TSC22D2: variants seen among roughly 807,000 people sequenced by gnomAD.
TSC22D2 encodes the protein TSC22 domain family member 2, also known as TSC22 domain family protein 2.
A neutral mutation model predicts 50.1 loss-of-function variants in TSC22D2; 5 were observed. That is an observed-to-expected ratio of 0.10 (90% confidence interval 0.05 to 0.21). The LOEUF is 0.21. Among genes scored for constraint, TSC22D2 ranks in the 10% least tolerant of loss-of-function variants. The pLI is 1.00. For missense variants in TSC22D2, 1,003 were observed against 1,015.5 expected (o/e 0.99, Z 0.17); for synonymous variants, 501 against 450.1 (o/e 1.11, Z -1.43).
chr3:150,415,097 A>T (rs970655750), intron 1 of TSC22D2, among the ~76,000 whole-genome samples: 1 of 152,116 alleles, frequency 6.6e-6, no homozygotes, highest in Non-Finnish European at 1.5e-5. Context: ...TTACTGATGG[A>T]TACCACATGG....
At chr3:150,424,883 A>G (rs1720128843) in intron 1 of TSC22D2, among the ~76,000 whole-genome samples, 1 of 152,176 alleles carries the variant, frequency 6.6e-6, no homozygotes, top group African/African-American at 2.4e-5. Context: ...GAAACTGACT[A>G]GTGGCTTTCT....
rs1353652253 is a variant in TSC22D2, at chr3:150,463,298, C to CTTTA, written c.*4663_*4666dup. 6.6e-6 allele frequency: 1 copy of CTTTA among 152,216 alleles called. No homozygotes were observed. Among genetic ancestry groups the CTTTA allele is most frequent in the Non-Finnish European group, 1.5e-5 (1 of 68,048 alleles). 9.4% of individuals were successfully genotyped at this position (152,216 alleles called of 1,614,324 possible). ...CCAAGGCAGAATAGGTTTTGCTAGG[C>CTTTA]TTTAGCCTTTTATTCTTTGACATAG... On this transcript the variant is annotated 3_prime_UTR_variant, in exon 3 of 3. Transcript: ENST00000688009.
rs1041930958 is a variant in TSC22D2, at chr3:150,408,636, C to T, written c.-715C>T. 1 of 152,388 alleles carries T rather than the reference C, an allele frequency of 6.6e-6. No individual in the cohort carries two copies. The highest frequency in any genetic ancestry group is 6.5e-5 in the Admixed American group (1 of 15,278). The allele number at this position is 152,388 out of a possible 1,614,324, so 9.4% of individuals were successfully genotyped here. A position where few individuals can be genotyped will look rare whatever the true frequency, so the allele number is the denominator to read the frequency against. On this transcript the variant is annotated 5_prime_UTR_variant, in exon 1 of 3. Coordinates refer to ENST00000688009, the MANE Select transcript of TSC22D2 (RefSeq NM_001303264.2). Reference sequence around the variant, plus strand: ...GGGAGGACCGAGCCGGCTTTCCCCTCCCCCAGAGCGGGTTTCCGCCTGAGG... The same window carrying T: ...GGGAGGACCGAGCCGGCTTTCCCCTTCCCCAGAGCGGGTTTCCGCCTGAGG...
chr3:150,410,197 G>A lies in TSC22D2; in HGVS notation c.847G>A (p.Gly283Arg), dbSNP rs779680716. The A allele has an allele frequency of 6.2e-6, 10 of 1,603,330 alleles. No individual in the cohort carries two copies. The highest frequency in any genetic ancestry group is 6.0e-6 in the Non-Finnish European group (7 of 1,175,436). The change falls in exon 1 of 3, where the codon GGG becomes AGG. Residue 283 changes from glycine (G) to arginine (R), a missense_variant. Gly to Arg is a moderately radical substitution (Grantham distance 125). This residue lies in a region of TSC22D2 where 696 missense variants were observed against 647.8 expected (regional missense o/e 1.07). Coordinates refer to ENST00000688009, the MANE Select transcript of TSC22D2 (RefSeq NM_001303264.2). ...ACAGCCGCCGCCGCCACCCGTAGGT[G>A]GGGCTGTGGCTCAAAGCTCGGCTCC... ...QPQPPPPPVGGAVAQSSAPLP... is the reference protein window; with the variant it reads ...QPQPPPPPVGRAVAQSSAPLP...
rs1223796449 is a variant in TSC22D2, at chr3:150,410,031, A to G, written c.681A>G (p.Val227=). Residue 227 remains valine (V), a synonymous_variant, in exon 1 of 3, where the codon GTA becomes GTG. Coordinates refer to ENST00000688009, the MANE Select transcript of TSC22D2 (RefSeq NM_001303264.2). ...GCGCCACCGGAGGGTCGGTGGTGGT[A>G]GTAGTGGCCTCCATGCAGGGGGCGC... is the stretch of plus-strand genomic sequence containing the variant. ...GLGATGGSVV[V]VVASMQGAHG... The G allele has an allele frequency of 3.1e-6, 5 of 1,613,266 alleles. No individual in the cohort carries two copies. The highest frequency in any genetic ancestry group is 1.1e-5 in the South Asian group (1 of 91,082).
chr3:150,411,866 G>A (rs1719585671), intron 1 of TSC22D2, among the ~76,000 whole-genome samples: 1 of 152,174 alleles, frequency 6.6e-6, no homozygotes, highest in African/African-American at 2.4e-5. Flanking sequence ...TTTGATTAAA[G>A]GAGGTACAAG....
Position 150,458,677 on chromosome 3 carries a change from C to G in TSC22D2, c.*41C>G, listed in dbSNP as rs773311462. The G allele has an allele frequency of 6.2e-7, 1 of 1,607,388 alleles. No homozygotes were observed. The highest frequency in any genetic ancestry group is 8.5e-7 in the Non-Finnish European group (1 of 1,176,654). Reference sequence around the variant, plus strand: ...CATTAAGAAAAAAACTGAAAGCAATCTATCCTTGTGTGCCACTGGTGTTCT... The same window carrying G: ...CATTAAGAAAAAAACTGAAAGCAATGTATCCTTGTGTGCCACTGGTGTTCT... On this transcript the variant is annotated 3_prime_UTR_variant, in exon 3 of 3. Transcript: ENST00000688009.
intron 1 of TSC22D2, among the ~76,000 whole-genome samples, chr3:150,453,893 C>T (rs911524062): frequency 2.6e-5 from 4 of 152,102 alleles, no homozygotes; most frequent in African/African-American, 9.7e-5. Context: ...GGTAGTATTA[C>T]AATACTCAAA....
Position 150,459,569 on chromosome 3 carries a change from G to GTTGT in TSC22D2, c.*936_*939dup, listed in dbSNP as rs1480377675. 1 of 86,050 alleles carries GTTGT rather than the reference G, an allele frequency of 1.2e-5. No individual in the cohort carries two copies. Among genetic ancestry groups the GTTGT allele is most frequent in the Non-Finnish European group, 2.5e-5 (1 of 40,226 alleles). The allele number at this position is 86,050 out of a possible 1,614,324, so 5.3% of individuals were successfully genotyped here. On this transcript the variant is annotated 3_prime_UTR_variant, in exon 3 of 3. Transcript: ENST00000688009. ...GTGTAATGGAGTTTGGTTTTTTTTT[G>GTTGT]TTGTTTTTTTTTTTTTGTCTTTTTT...
At chr3:150,437,037 A>G (rs542833122) in intron 1 of TSC22D2, among the ~76,000 whole-genome samples, 1 of 151,720 alleles carries the variant, frequency 6.6e-6, no homozygotes, top group African/African-American at 2.4e-5. Flanking sequence ...ATAGTGTTTT[A>G]TTTAGGGGAT....
rs769933959 is a variant in TSC22D2 at position 150,458,675 on chromosome 3, A to G, written c.*39A>G. 23 of 1,607,580 alleles carry G rather than the reference A, an allele frequency of 1.4e-5. No individual in the cohort carries two copies. Among genetic ancestry groups the G allele is most frequent in the East Asian group, 8.9e-5 (4 of 44,812 alleles). On this transcript the variant is annotated 3_prime_UTR_variant, in exon 3 of 3. Transcript: ENST00000688009. Reference sequence around the variant, plus strand: ...CTCATTAAGAAAAAAACTGAAAGCAATCTATCCTTGTGTGCCACTGGTGTT... The same window carrying G: ...CTCATTAAGAAAAAAACTGAAAGCAGTCTATCCTTGTGTGCCACTGGTGTT...
intron 1 of TSC22D2, among the ~76,000 whole-genome samples, chr3:150,436,152 T>C (rs1023813782): frequency 3.3e-5 from 5 of 152,168 alleles, no homozygotes; most frequent in Non-Finnish European, 5.9e-5. Context: ...AATTTTGATA[T>C]ATAACTTTTG....
intron 1 of TSC22D2, among the ~76,000 whole-genome samples, chr3:150,416,515 C>G (rs1175765866): frequency 6.6e-6 from 1 of 151,930 alleles, no homozygotes; most frequent in African/African-American, 2.4e-5. Flanking sequence ...TTTGAGGCTA[C>G]TGTTTTCGAT....
At position 150,409,482 on chromosome 3, in the gene TSC22D2, C is replaced by T. The variant is rs1393753437; in HGVS notation, c.132C>T (p.Val44=). The stretch of plus-strand genomic sequence containing the variant: ...CGGACGAGTCACGCACAGAGGACGT[C>T]TCCTCCGAGATTTTCGACGTCTCTC... ...DDPDESRTED[V]SSEIFDVSRA... is the part of the protein sequence containing the mutation. The change falls in exon 1 of 3, where the codon GTC becomes GTT. Residue 44 remains valine, a synonymous_variant. Coordinates refer to ENST00000688009, the MANE Select transcript of TSC22D2 (RefSeq NM_001303264.2). This position sits in a 1 kb window ranked among gnomAD's most constrained non-coding sequence, Gnocchi z 7.4. 1 of 1,613,406 alleles carries T rather than the reference C, an allele frequency of 6.2e-7. No individual in the cohort carries two copies. Among genetic ancestry groups the T allele is most frequent in the East Asian group, 2.2e-5 (1 of 44,856 alleles).
chr3:150,461,732 G>A lies in TSC22D2; in HGVS notation c.*3096G>A, dbSNP rs1329863096. ...TGCTAATTAGAAGTATTGAGATAAC[G>A]TTTTATAATCAAGCCTCCAGTGACT... On this transcript the variant is annotated 3_prime_UTR_variant, in exon 3 of 3. Coordinates refer to ENST00000688009, the MANE Select transcript of TSC22D2 (RefSeq NM_001303264.2). 8 of 151,900 alleles carry A rather than the reference G, an allele frequency of 5.3e-5. No homozygotes were observed. Among genetic ancestry groups the A allele is most frequent in the Admixed American group, 2.0e-4 (3 of 15,236 alleles). The allele number at this position is 151,900 out of a possible 1,614,324, so 9.4% of individuals were successfully genotyped here.
Position 150,422,167 on chromosome 3 carries a change from T to C in TSC22D2, c.1958+10859T>C, listed in dbSNP as rs555544029. On this transcript the variant is annotated intron_variant, in intron 1 of 2. Transcript: ENST00000688009. ...GCTGCTGTTCTGCTACAGCATGGGC[T>C]AAGAATTTTAAAAGTTATGTGGCAA... Among the ~76,000 whole-genome samples the C allele has an allele frequency of 1.2e-3, 184 of 152,366 alleles. 1 individual carries two copies. The highest frequency in any genetic ancestry group is 4.4e-3 in the African/African-American group (183 of 41,580).
At chr3:150,441,334 A>G (rs1310794790) in intron 1 of TSC22D2, among the ~76,000 whole-genome samples, 2 of 152,182 alleles carry the variant, frequency 1.3e-5, no homozygotes, top group Non-Finnish European at 1.5e-5. Context: ...GATATGTGAT[A>G]CGTTTTTAAT....
chr3:150,453,502 C>A (rs1454937727), intron 1 of TSC22D2, among the ~76,000 whole-genome samples: 2 of 152,200 alleles, frequency 1.3e-5, no homozygotes, highest in African/African-American at 4.8e-5. Flanking sequence ...GGTTCTCATA[C>A]TTTAGTTTCT....
rs755753575 is a variant in TSC22D2, at chr3:150,458,455, A to C, written c.2090A>C (p.Glu697Ala). The change falls in exon 3 of 3, where the codon GAA (glutamate) becomes GCA (alanine). Residue 697 changes from glutamate (E) to alanine (A), a missense_variant. This residue lies in a region of TSC22D2 where 17 missense variants were observed against 57.7 expected (regional missense o/e 0.29). Coordinates refer to ENST00000688009, the MANE Select transcript of TSC22D2 (RefSeq NM_001303264.2). Reference protein sequence around the residue: ...VLKEQIKELVERNSLLERENA... With the variant: ...VLKEQIKELVARNSLLERENA... ...AAGGAACAAATAAAAGAATTAGTTGAAAGAAACTCTTTACTTGAACGAGAA... is the reference window on the plus strand; with the variant it reads ...AAGGAACAAATAAAAGAATTAGTTGCAAGAAACTCTTTACTTGAACGAGAA... 6.2e-7 allele frequency: 1 copy of C among 1,614,144 alleles called. No homozygotes were observed. Among genetic ancestry groups the C allele is most frequent in the South Asian group, 1.1e-5 (1 of 91,086 alleles).
Sources: gnomAD v4.1 joint callset for allele counts (sites outside exome capture counted in the v4.1 genomes callset) on GRCh38, gnomAD v4.1.1 for gene constraint, gnomAD v4.1.1 regional missense constraint, Gnocchi (gnomAD v3.1) non-coding constraint, MANE v1.5 for transcripts, NCBI Gene and HGNC (gene_info 2026-07-23, HGNC 2026-07-21) for gene names.